TENM2: variants seen among roughly 807,000 people sequenced by gnomAD.
The protein encoded by TENM2 is teneurin transmembrane protein 2.
In TENM2, 52 loss-of-function variants were observed where a neutral mutation model predicts 245.2. The observed-to-expected ratio is 0.21, with a 90% CI of 0.17 to 0.27. The LOEUF (loss-of-function observed/expected upper bound fraction) is 0.27, where lower values mean the gene tolerates loss of function less well. TENM2 is among the 10% of genes least tolerant of loss of function. The probability of loss-of-function intolerance (pLI) is 1.00; values close to 1 mark genes in which losing one functional copy is unlikely to be tolerated. For synonymous variants in TENM2, 1,363 were observed against 1,438.9 expected (o/e 0.95, Z 1.19); for missense variants, 3,046 against 3,666.8 (o/e 0.83, Z 4.37).
At chr5:167,619,732 G>A (rs1332989463) in intron 2 of TENM2, among the ~76,000 whole-genome samples, 1 of 152,152 alleles carries the variant, frequency 6.6e-6, no homozygotes, top group Non-Finnish European at 1.5e-5. Context: ...ATAGACTGCA[G>A]TCAGGCAAAC....
intron 2 of TENM2, among the ~76,000 whole-genome samples, chr5:167,539,054 A>G (rs1455756178): frequency 1.3e-5 from 2 of 152,170 alleles, no homozygotes; most frequent in East Asian, 1.9e-4. Context: ...GTGCTTAGCT[A>G]TCATTTCAAA....
At chr5:167,929,398 A>G (rs1008525912) in intron 3 of TENM2, among the ~76,000 whole-genome samples, 6 of 152,212 alleles carry the variant, frequency 3.9e-5, no homozygotes, top group African/African-American at 1.4e-4. Flanking sequence ...TTCTGAGTCT[A>G]TGCAAAAGCA....
chr5:167,605,111 C>G (rs1776933740), intron 2 of TENM2, among the ~76,000 whole-genome samples: 1 of 152,148 alleles, frequency 6.6e-6, no homozygotes, highest in Admixed American at 6.5e-5. Context: ...CAGGCCACAT[C>G]ACGCATATGC....
At position 168,198,748 on chromosome 5, in the gene TENM2, C is replaced by T. The variant is rs1257539167; in HGVS notation, c.2901-105C>T. On this transcript the variant is annotated intron_variant, in intron 15 of 28. Transcript: ENST00000518659. ...GTCTGCCTCCAAAGCCCATGGTCTC[C>T]TCTGTGCTCTGCCCATCGCATGGCC... 3.5e-6 allele frequency: 5 copies of T among 1,415,988 alleles called. No homozygotes were observed. The African/African-American group carries it at 5.7e-5, about 16-fold the overall frequency. 87.7% of individuals were successfully genotyped at this position (1,415,988 alleles called of 1,614,324 possible).
At chr5:168,028,744 C>T (rs1786840846) in intron 5 of TENM2, among the ~76,000 whole-genome samples, 1 of 151,226 alleles carries the variant, frequency 6.6e-6, no homozygotes, top group Non-Finnish European at 1.5e-5. Context: ...TTTTTGGGTC[C>T]CTAAATCGAG....
At chr5:167,685,714 T>G (rs144848539) in intron 2 of TENM2, among the ~76,000 whole-genome samples, 1 of 152,354 alleles carries the variant, frequency 6.6e-6, no homozygotes, top group Non-Finnish European at 1.5e-5. Flanking sequence ...AAATAGGTTA[T>G]CTGTAATGAT....
intron 2 of TENM2, among the ~76,000 whole-genome samples, chr5:167,801,112 ATATATATATAT>A (rs1765717958): frequency 0.013 from 639 of 50,984 alleles, 26 homozygotes; most frequent in South Asian, 0.03. Context: ...AAAAAAAAAT[ATATATATATAT>A]ATATATATAT....
chr5:167,661,724 G>A (rs921384262), intron 2 of TENM2, among the ~76,000 whole-genome samples: 1 of 151,620 alleles, frequency 6.6e-6, no homozygotes, highest in African/African-American at 2.4e-5. Flanking sequence ...CCGAGCGCAG[G>A]GGTATAATTA....
intron 6 of TENM2, among the ~76,000 whole-genome samples, chr5:168,058,798 C>T (rs1032219464): frequency 2.0e-4 from 30 of 152,018 alleles, no homozygotes; most frequent in African/African-American, 7.0e-4. Flanking sequence ...TTTTTTCATT[C>T]CATGTAAGAA....
chr5:167,845,911 C>A (rs1769999101), intron 2 of TENM2, among the ~76,000 whole-genome samples: 1 of 152,218 alleles, frequency 6.6e-6, no homozygotes, highest in Admixed American at 6.5e-5. Context: ...GCTGGCCCGA[C>A]TGCTCCTACA....
chr5:167,764,707 G>T (rs749610135), intron 2 of TENM2, among the ~76,000 whole-genome samples: 1 of 152,154 alleles, frequency 6.6e-6, no homozygotes, highest in Non-Finnish European at 1.5e-5. Flanking sequence ...TCTATCACCC[G>T]TATGCAGAGA....
At chr5:168,225,777 A>AAAG (rs1313926330) in intron 23 of TENM2, among the ~76,000 whole-genome samples, 3 of 151,766 alleles carry the variant, frequency 2.0e-5, no homozygotes, top group Non-Finnish European at 4.4e-5. Context: ...AAAAAAAAAA[A>AAAG]AAGAAAAGAA....
chr5:167,639,682 A>G (rs1413030040), intron 2 of TENM2, among the ~76,000 whole-genome samples: 3 of 152,176 alleles, frequency 2.0e-5, no homozygotes, highest in South Asian at 2.1e-4. Flanking sequence ...TTTAGCTGCA[A>G]TAGAGCTTTA....
chr5:168,141,199 G>A (rs1225257356), intron 12 of TENM2, among the ~76,000 whole-genome samples: 1 of 152,148 alleles, frequency 6.6e-6, no homozygotes, highest in Non-Finnish European at 1.5e-5. Context: ...TCCCAGGACA[G>A]GACAGCACAA....
Position 167,380,340 on chromosome 5 carries a change from G to A in TENM2, c.502+4867G>A, listed in dbSNP as rs187679201. Among the ~76,000 whole-genome samples, 490 of 152,238 alleles carry A rather than the reference G, an allele frequency of 3.2e-3. 4 individuals carry two copies. The highest frequency in any genetic ancestry group is 0.012 in the Admixed American group (179 of 15,280). ...CATTGTCACATGGCATGATATGAAAGCTAGAAGTGAAAGGATTGATGTTCT... is the reference window on the plus strand; with the variant it reads ...CATTGTCACATGGCATGATATGAAAACTAGAAGTGAAAGGATTGATGTTCT... On this transcript the variant is annotated intron_variant, in intron 2 of 28. Transcript: ENST00000518659.
At chr5:168,199,898 A>G (rs540706798) in exon 17 of TENM2, 28 of 1,613,950 alleles carry the variant, frequency 1.7e-5, no homozygotes, top group Non-Finnish European at 2.3e-5. Flanking sequence ...CCTGGTTCCA[A>G]TGTGAAACTT....
intron 1 of TENM2, among the ~76,000 whole-genome samples, chr5:167,319,383 T>C (rs553437169): frequency 5.9e-5 from 9 of 152,276 alleles, no homozygotes; most frequent in Admixed American, 3.9e-4. Flanking sequence ...AGAAAATCCA[T>C]GTAAAGGCAC....
At chr5:167,123,714 A>AT in the TENM2 span, among the ~76,000 whole-genome samples, 3 of 152,134 alleles carry the variant, frequency 2.0e-5, no homozygotes, top group African/African-American at 7.2e-5. Context: ...TCCCAGTGCA[A>AT]TTTTTTCCTC....
chr5:167,185,175 C>A, the TENM2 span, among the ~76,000 whole-genome samples: 1 of 152,198 alleles, frequency 6.6e-6, no homozygotes, highest in African/African-American at 2.4e-5. Context: ...AGAACCCCGA[C>A]AAATACACCC....
Sources: gnomAD v4.1 joint callset for allele counts (sites outside exome capture counted in the v4.1 genomes callset) on GRCh38, gnomAD v4.1.1 for gene constraint, MANE v1.5 for transcripts, NCBI Gene and HGNC (gene_info 2026-07-23, HGNC 2026-07-21) for gene names.